Variants in MACROH2A1 observed in about 807,000 individuals in gnomAD.
The protein encoded by MACROH2A1 is macroH2A.1 histone.
A neutral mutation model predicts 31.6 loss-of-function variants in MACROH2A1; 2 were observed. That is an observed-to-expected ratio of 0.06 (90% confidence interval 0.03 to 0.20). The LOEUF is 0.20. Ranked by LOEUF, MACROH2A1 falls within the 10% of genes least tolerant of loss-of-function variation. The probability of loss-of-function intolerance (pLI) is 1.00; values close to 1 mark genes in which losing one functional copy is unlikely to be tolerated. For missense variants in MACROH2A1, 230 were observed against 474.0 expected (o/e 0.49, Z 4.78); for synonymous variants, 169 against 189.6 (o/e 0.89, Z 0.89).
At position 135,359,706 on chromosome 5, in the gene MACROH2A1, C is replaced by G. The variant is rs555475330; in HGVS notation, c.588+791G>C. The G allele has an allele frequency of 9.2e-5, 90 of 980,518 alleles. No homozygotes were observed. In the African/African-American group the frequency reaches 1.4e-3, roughly 15 times the overall value. The allele number at this position is 980,518 out of a possible 1,614,324, so 60.7% of individuals were successfully genotyped here. The stretch of plus-strand genomic sequence containing the variant: ...ATCCAAGTTTGTTACCACACTCAAA[C>G]TAAACACAGATTAACTTGGAACGTC... On this transcript the variant is annotated intron_variant, in intron 5 of 8. Transcript: ENST00000511689.
At chr5:135,343,546 T>G in intron 7 of MACROH2A1, 112 bp from the exon 8 acceptor site, 2 of 1,490,208 alleles carry the variant, frequency 1.3e-6, no homozygotes, top group Non-Finnish European at 1.8e-6. Context: ...GGCCCTCCAA[T>G]GCCCTGTGTC....
intron 1 of MACROH2A1, among the ~76,000 whole-genome samples, chr5:135,394,183 C>T (rs1297475697): frequency 6.6e-6 from 1 of 152,212 alleles, no homozygotes; most frequent in Non-Finnish European, 1.5e-5. Flanking sequence ...TAACAGGCTG[C>T]TCCCTGCACT....
At chr5:135,335,753 AAATAAATGTCG>A in intron 8 of MACROH2A1, among the ~76,000 whole-genome samples, 1 of 152,214 alleles carries the variant, frequency 6.6e-6, no homozygotes, top group East Asian at 1.9e-4. Flanking sequence ...TTTCCACTTC[AAATAAATGTCG>A]TGGCAATTTT....
intron 1 of MACROH2A1, among the ~76,000 whole-genome samples, chr5:135,392,006 C>T (rs2149979477): frequency 6.6e-6 from 1 of 152,356 alleles, no homozygotes; most frequent in East Asian, 1.9e-4. Flanking sequence ...GTCACCCCAG[C>T]CCTGGCTCAC....
intron 2 of MACROH2A1, among the ~76,000 whole-genome samples, chr5:135,381,644 A>G (rs1321383148): frequency 6.6e-6 from 1 of 152,234 alleles, no homozygotes; most frequent in Non-Finnish European, 1.5e-5. Context: ...TTCAAAAAAG[A>G]ATGAAATAGG....
chr5:135,349,939 A>G (rs1291282301), intron 6 of MACROH2A1, among the ~76,000 whole-genome samples: 3 of 152,200 alleles, frequency 2.0e-5, no homozygotes, highest in African/African-American at 7.2e-5. Flanking sequence ...ACCAGGCCCT[A>G]TGATCAGTAA....
chr5:135,336,087 C>T (rs1758603754), intron 8 of MACROH2A1, among the ~76,000 whole-genome samples: 1 of 152,220 alleles, frequency 6.6e-6, no homozygotes, highest in South Asian at 2.1e-4. Context: ...AGCCTGTGGG[C>T]GTGTTGGTGT....
chr5:135,361,839 T>C (rs1034930257), intron 4 of MACROH2A1: 2 of 152,238 alleles, frequency 1.3e-5, no homozygotes, highest in African/African-American at 4.8e-5. Flanking sequence ...CTTTTAACAA[T>C]AAGGGCTGCT....
intron 8 of MACROH2A1, among the ~76,000 whole-genome samples, chr5:135,335,616 C>G (rs2149690956): frequency 6.6e-6 from 1 of 152,242 alleles, no homozygotes; most frequent in South Asian, 2.1e-4. Context: ...GGCCACCGCC[C>G]AGGAATCCAC....
chr5:135,372,008 T>C (rs1348749804), intron 2 of MACROH2A1, among the ~76,000 whole-genome samples: 4 of 152,214 alleles, frequency 2.6e-5, no homozygotes, highest in Admixed American at 1.3e-4. Context: ...GAAAAATTGC[T>C]TGGCTACTCA....
chr5:135,343,234 G>T, intron 8 of MACROH2A1, 26 bp downstream of exon 8: 1 of 1,612,906 alleles, frequency 6.2e-7, no homozygotes, highest in Non-Finnish European at 8.5e-7. Flanking sequence ...ACCCATGACC[G>T]ATACGTAACA....
chr5:135,389,083 C>T lies in MACROH2A1; in HGVS notation c.11G>A (p.Arg4His), dbSNP rs1766829214. The T allele has an allele frequency of 1.9e-6, 3 of 1,613,116 alleles. No individual in the cohort carries two copies. Among genetic ancestry groups the T allele is most frequent in the Non-Finnish European group, 2.5e-6 (3 of 1,179,196 alleles). Residue 4 changes from arginine (R) to histidine (H), a missense_variant, in exon 2 of 9, where the codon CGC becomes CAC. This residue lies in a region of MACROH2A1 where 47 missense variants were observed against 154.7 expected (regional missense o/e 0.30). Transcript: ENST00000511689. The stretch of plus-strand genomic sequence containing the variant: ...CTTGGTGGACTTCTTCTTCCCACCG[C>T]GGCTCGACATGGCGGTGGCCCTGGA... MSS[R>H]GGKKKSTKTS... is the part of the protein sequence containing the mutation.
intron 2 of MACROH2A1, among the ~76,000 whole-genome samples, chr5:135,374,561 C>A (rs1415284267): frequency 6.6e-6 from 1 of 152,206 alleles, no homozygotes; most frequent in Non-Finnish European, 1.5e-5. Context: ...TAGAACAGAG[C>A]CAACTTAAGC....
chr5:135,362,028 G>C (rs985936189), intron 4 of MACROH2A1: 7 of 152,156 alleles, frequency 4.6e-5, no homozygotes, highest in African/African-American at 1.7e-4. Context: ...CATTTGATGA[G>C]TGAAAGAGAA....
chr5:135,379,065 T>A (rs1259209167), intron 2 of MACROH2A1, among the ~76,000 whole-genome samples: 1 of 152,202 alleles, frequency 6.6e-6, no homozygotes, highest in African/African-American at 2.4e-5. Context: ...CAGCTACTAG[T>A]TACCACAAGG....
chr5:135,346,479 GT>G (rs1296159144), intron 6 of MACROH2A1: 52 of 196,892 alleles, frequency 2.6e-4, no homozygotes, highest in Non-Finnish European at 2.2e-4. Flanking sequence ...AAGTAAGGAG[GT>G]TTCAGCAGCA....
chr5:135,388,987 T>A lies in MACROH2A1; in HGVS notation c.107A>T (p.His36Leu). 6.2e-7 allele frequency: 1 copy of A among 1,613,874 alleles called. No homozygotes were observed. Among genetic ancestry groups the A allele is most frequent in the Admixed American group, 1.7e-5 (1 of 60,008 alleles). The change falls in exon 2 of 9, where the codon CAC becomes CTC. Residue 36 changes from histidine (H) to leucine (L), a missense_variant. This residue lies in a region of MACROH2A1 where 47 missense variants were observed against 154.7 expected (regional missense o/e 0.30). Coordinates refer to ENST00000511689, the MANE Select transcript of MACROH2A1 (RefSeq NM_138610.3). ...CCCCACTCCAATCCTGTACTTGGGGTGGCCTTTCTTGATGTACCGCAGCAT... is the reference window on the plus strand; with the variant it reads ...CCCCACTCCAATCCTGTACTTGGGGAGGCCTTTCTTGATGTACCGCAGCAT... Reference protein sequence around the residue: ...GRMLRYIKKGHPKYRIGVGAP... With the variant: ...GRMLRYIKKGLPKYRIGVGAP...
rs760573821 is a variant in MACROH2A1, at chr5:135,370,072, G to A, written c.243C>T (p.Ile81=). ...NKKGRVTPRH[I]LLAVANDEEL... ...CTTCATCATTGGCCACAGCCAGCAG[G>A]ATGTGCCGGGGTGTGACCCGTCCCT... The change falls in exon 3 of 9, where the codon ATC becomes ATT. Residue 81 remains isoleucine (I), a synonymous_variant. Transcript: ENST00000511689. 1.2e-6 allele frequency: 2 copies of A among 1,613,642 alleles called. No individual in the cohort carries two copies. Among genetic ancestry groups the A allele is most frequent in the East Asian group, 2.2e-5 (1 of 44,868 alleles).
intron 5 of MACROH2A1, 52 bp downstream of exon 5, chr5:135,360,444 GC>G: frequency 3.4e-6 from 4 of 1,160,888 alleles, no homozygotes; most frequent in Non-Finnish European, 3.9e-6. Flanking sequence ...AGTAGCCTGT[GC>G]CCACCTGTCC....
Sources: allele counts gnomAD v4.1 joint callset (sites outside exome capture counted in the v4.1 genomes callset), GRCh38; gene constraint gnomAD v4.1.1; regional missense constraint gnomAD v4.1.1; transcripts MANE v1.5; gene names NCBI Gene and HGNC (gene_info 2026-07-23, HGNC 2026-07-21).